The following ARHGAP6 variants were observed in gnomAD, a reference collection of about 807,000 sequenced individuals.
ARHGAP6 encodes the protein Rho GTPase activating protein 6.
In ARHGAP6, 16 loss-of-function variants were observed where a neutral mutation model predicts 55.7. The ratio of observed to expected loss-of-function variants is 0.29; its 90% CI spans 0.19 to 0.44. The LOEUF (loss-of-function observed/expected upper bound fraction) is 0.44, where lower values mean the gene tolerates loss of function less well. ARHGAP6 is among the 20% of genes least tolerant of loss of function. ARHGAP6 has a pLI of 1.00. For missense variants in ARHGAP6, 698 were observed against 808.9 expected (o/e 0.86, Z 1.66); for synonymous variants, 382 against 360.9 (o/e 1.06, Z -0.66).
chrX:11,261,031 A>G (rs2047554818), intron 1 of ARHGAP6, among the ~76,000 whole-genome samples: 1 of 111,842 alleles, frequency 8.9e-6, no homozygotes, highest in Non-Finnish European at 1.9e-5. Flanking sequence ...CAGCCACTGA[A>G]TAAATATTTG....
At chrX:11,450,404 A>C (rs1259216161) in intron 1 of ARHGAP6, among the ~76,000 whole-genome samples, 1 of 112,042 alleles carries the variant, frequency 8.9e-6, no homozygotes, top group Non-Finnish European at 1.9e-5. Flanking sequence ...TACCTACGTG[A>C]AATTCTAAAC....
intron 1 of ARHGAP6, among the ~76,000 whole-genome samples, chrX:11,499,478 C>T (rs1011392888): frequency 3.6e-5 from 4 of 112,039 alleles, no homozygotes; most frequent in Non-Finnish European, 5.6e-5. Context: ...TATTTCTCCA[C>T]TCCTTTGCTT....
rs367834560 is a variant in ARHGAP6 at position 11,187,206 on chromosome X, G to A, written c.1078-775C>T. Among the ~76,000 whole-genome samples, 20 of 111,592 alleles carry A rather than the reference G, an allele frequency of 1.8e-4. No individual in the cohort carries two copies. The East Asian group carries it at 3.9e-3, about 22-fold the overall frequency. On this transcript the variant is annotated intron_variant, in intron 4 of 12. Coordinates refer to ENST00000337414, the MANE Select transcript of ARHGAP6 (RefSeq NM_013427.3). ...TACTTACAGCCTGCCATTTGGATAG[G>A]CTGGGTGCCTCTGGCATCAGAGAAA...
chrX:11,340,205 G>A (rs1355050236), intron 1 of ARHGAP6, among the ~76,000 whole-genome samples: 1 of 111,709 alleles, frequency 9.0e-6, no homozygotes, highest in Non-Finnish European at 1.9e-5. Context: ...TCACTGCAAT[G>A]CAATGAAGTA....
chrX:11,388,551 T>G (rs1236667722), intron 1 of ARHGAP6, among the ~76,000 whole-genome samples: 1 of 112,031 alleles, frequency 8.9e-6, no homozygotes, highest in Non-Finnish European at 1.9e-5. Context: ...AGAAGCTCTT[T>G]AGTTTAATTA....
intron 7 of ARHGAP6, among the ~76,000 whole-genome samples, chrX:11,179,079 A>G (rs1639997350): frequency 8.9e-6 from 1 of 112,370 alleles, no homozygotes; most frequent in African/African-American, 3.2e-5. Context: ...ATTTGAAAGC[A>G]TCTCAAATTC....
At chrX:11,634,134 T>C (rs1228416146) in intron 1 of ARHGAP6, among the ~76,000 whole-genome samples, 3 of 108,059 alleles carry the variant, frequency 2.8e-5, no homozygotes, top group Non-Finnish European at 5.8e-5. Flanking sequence ...CCCAAAGGTT[T>C]GGGACTGCAG....
At chrX:11,364,918 G>C (rs2049056383) in intron 1 of ARHGAP6, among the ~76,000 whole-genome samples, 1 of 110,336 alleles carries the variant, frequency 9.1e-6, no homozygotes, top group Non-Finnish European at 1.9e-5. Context: ...CAGCCAACAG[G>C]AAGCCCTTAC....
At chrX:11,518,233 T>C (rs918442246) in intron 1 of ARHGAP6, among the ~76,000 whole-genome samples, 3 of 110,263 alleles carry the variant, frequency 2.7e-5, no homozygotes, top group African/African-American at 9.9e-5. Context: ...CTTGAACTCC[T>C]GGGATCACAT....
chrX:11,429,150 G>C (rs113461795), intron 1 of ARHGAP6, among the ~76,000 whole-genome samples: 114 of 112,957 alleles, frequency 1.0e-3, no homozygotes, highest in African/African-American at 3.6e-3. Context: ...AAATGCTACT[G>C]ATGCACAGAA....
intron 1 of ARHGAP6, among the ~76,000 whole-genome samples, chrX:11,574,224 A>G (rs1277295318): frequency 9.0e-6 from 1 of 111,695 alleles, no homozygotes; most frequent in Non-Finnish European, 1.9e-5. Flanking sequence ...AACTCATTTT[A>G]TGAGGCCAGC....
At chrX:11,587,241 G>A (rs1186165644) in intron 1 of ARHGAP6, among the ~76,000 whole-genome samples, 1 of 111,659 alleles carries the variant, frequency 9.0e-6, no homozygotes, top group African/African-American at 3.3e-5. Context: ...GGGCGTCCTT[G>A]TCTTGTGCTG....
intron 1 of ARHGAP6, among the ~76,000 whole-genome samples, chrX:11,297,773 A>T (rs774668600): frequency 5.3e-5 from 6 of 112,447 alleles, no homozygotes; most frequent in Non-Finnish European, 1.1e-4. Context: ...GATGAGGGAC[A>T]GTGTTTGCAC....
intron 1 of ARHGAP6, among the ~76,000 whole-genome samples, chrX:11,340,850 T>C (rs144302747): frequency 5.4e-5 from 6 of 112,059 alleles, no homozygotes; most frequent in African/African-American, 2.0e-4. Context: ...TGTTTCCAGA[T>C]AGAAACTTCT....
At chrX:11,253,472 T>C (rs1206400915) in intron 2 of ARHGAP6, among the ~76,000 whole-genome samples, 1 of 111,885 alleles carries the variant, frequency 8.9e-6, no homozygotes, top group East Asian at 2.8e-4. Context: ...TTCCTATCCC[T>C]CTTCTGCTTT....
In ARHGAP6 at chrX:11,267,687, T is replaced by C. The variant is rs867128580; in HGVS notation, c.589-12980A>G. On this transcript the variant is annotated intron_variant, in intron 1 of 12. Transcript: ENST00000337414. ...AATGTTTCGTAAGAAGGTGACTAAG[T>C]GAATAATCTCAAATAATCCCGAGAG... is the stretch of plus-strand genomic sequence containing the variant. 2.7e-5 allele frequency among the ~76,000 whole-genome samples: 3 copies of C among 112,475 alleles called. No homozygotes were observed. In the South Asian group the frequency reaches 1.1e-3, roughly 41 times the overall value.
At chrX:11,319,689 A>G (rs2048407237) in intron 1 of ARHGAP6, among the ~76,000 whole-genome samples, 1 of 112,709 alleles carries the variant, frequency 8.9e-6, no homozygotes, top group African/African-American at 3.2e-5. Flanking sequence ...TAATAATAAA[A>G]TTATAAGATA....
chrX:11,249,723 A>G (rs2047398470), intron 2 of ARHGAP6, among the ~76,000 whole-genome samples: 1 of 112,258 alleles, frequency 8.9e-6, no homozygotes, highest in Admixed American at 9.4e-5. Context: ...TTAATTTGTA[A>G]TAAAGTTTTA....
chrX:11,140,825 A>G (rs760408599), intron 12 of ARHGAP6, among the ~76,000 whole-genome samples: 3 of 112,451 alleles, frequency 2.7e-5, no homozygotes, highest in Non-Finnish European at 5.6e-5. Context: ...TTGCAAGGCA[A>G]AGGAGGAGTC....
Sources: allele counts gnomAD v4.1 joint callset (sites outside exome capture counted in the v4.1 genomes callset), GRCh38; gene constraint gnomAD v4.1.1; transcripts MANE v1.5; gene names NCBI Gene and HGNC (gene_info 2026-07-23, HGNC 2026-07-21).